Variants in ARG2 observed in about 807,000 individuals in gnomAD.
ARG2 encodes arginase-2, mitochondrial.
A neutral mutation model predicts 39.4 loss-of-function variants in ARG2; 21 were observed. The observed-to-expected ratio is 0.53, with a 90% confidence interval of 0.38 to 0.77. The LOEUF is 0.77. ARG2 is among the 30% of genes least tolerant of loss of function. The pLI is 0.00. For missense variants in ARG2, 378 were observed against 426.2 expected (o/e 0.89, Z 1.00); for synonymous variants, 150 against 156.7 (o/e 0.96, Z 0.32).
chr14:67,635,572 G>A (rs1216766689), intron 2 of ARG2, among the ~76,000 whole-genome samples: 7 of 152,228 alleles, frequency 4.6e-5, no homozygotes, highest in East Asian at 3.9e-4. Context: ...CCAGGAATTC[G>A]GCCGGGCACG....
At chr14:67,623,093 A>G (rs1280447020) in intron 2 of ARG2, among the ~76,000 whole-genome samples, 2 of 152,282 alleles carry the variant, frequency 1.3e-5, no homozygotes, top group Non-Finnish European at 2.9e-5. Context: ...TAATTGTACA[A>G]TTATATCCTT....
chr14:67,630,899 T>C (rs1285826120), intron 2 of ARG2, among the ~76,000 whole-genome samples: 1 of 152,134 alleles, frequency 6.6e-6, no homozygotes, highest in Non-Finnish European at 1.5e-5. Flanking sequence ...GCATGTAGAA[T>C]GTAGTCTTTT....
intron 4 of ARG2, 109 bp downstream of exon 4, chr14:67,645,911 C>T (rs934568601): frequency 1.6e-6 from 2 of 1,258,256 alleles, no homozygotes; most frequent in Non-Finnish European, 2.2e-6. Context: ...TGGATTACCA[C>T]TCCTTCATTT....
chr14:67,621,515 A>G lies in ARG2; in HGVS notation c.184+549A>G, dbSNP rs543613319. Reference sequence around the variant, plus strand: ...CCATCACCCAGGCTGGAGTGCAGTGATGCAATATTGGCTCATTGCAACCTC... The same window carrying G: ...CCATCACCCAGGCTGGAGTGCAGTGGTGCAATATTGGCTCATTGCAACCTC... On this transcript the variant is annotated intron_variant, in intron 2 of 7. Coordinates refer to ENST00000261783, the MANE Select transcript of ARG2 (RefSeq NM_001172.4). Among the ~76,000 whole-genome samples, 4 of 150,704 alleles carry G rather than the reference A, an allele frequency of 2.7e-5. No individual in the cohort carries two copies. The South Asian group carries it at 8.4e-4, about 32-fold the overall frequency.
chr14:67,643,293 A>G (rs6573790), intron 3 of ARG2, among the ~76,000 whole-genome samples: 19,038 of 151,244 alleles, frequency 0.13, 1,219 homozygotes, highest in Admixed American at 0.15. Context: ...TGGAATAAAC[A>G]AAAATATTGA....
intron 2 of ARG2, among the ~76,000 whole-genome samples, chr14:67,627,232 C>G (rs2036875127): frequency 7.2e-6 from 1 of 139,254 alleles, no homozygotes; most frequent in South Asian, 2.2e-4. Flanking sequence ...AATTAAAAAA[C>G]TAGGCAATTG....
At chr14:67,645,547 C>T in intron 3 of ARG2, 96 bp from the exon 4 acceptor site, 1 of 1,409,068 alleles carries the variant, frequency 7.1e-7, no homozygotes, top group Non-Finnish European at 9.7e-7. Context: ...TGGCTTTGCA[C>T]TGTGGAGAGA....
intron 2 of ARG2, among the ~76,000 whole-genome samples, chr14:67,639,213 C>T (rs2037004469): frequency 6.6e-6 from 1 of 152,138 alleles, no homozygotes; most frequent in African/African-American, 2.4e-5. Flanking sequence ...CAAGTGAGTA[C>T]TGTTTTCTGT....
In ARG2 at chr14:67,648,674, A is replaced by C. The variant is rs562038895; in HGVS notation, c.859+491A>C. 5 of 152,534 alleles carry C rather than the reference A, an allele frequency of 3.3e-5. No individual in the cohort carries two copies. The East Asian group carries it at 9.6e-4, about 29-fold the overall frequency. The allele number at this position is 152,534 out of a possible 1,614,324, so 9.4% of individuals were successfully genotyped here. ...CTAGAGCCTGAAAGGATTTCTAATA[A>C]GGGGGATACAGTTAGATGAGAATGG... is the stretch of plus-strand genomic sequence containing the variant. On this transcript the variant is annotated intron_variant, in intron 7 of 7. Coordinates refer to ENST00000261783, the MANE Select transcript of ARG2 (RefSeq NM_001172.4).
intron 2 of ARG2, among the ~76,000 whole-genome samples, chr14:67,633,515 T>TTATC (rs2036939876): frequency 2.0e-5 from 3 of 152,228 alleles, no homozygotes. Flanking sequence ...CAAACTGACC[T>TTATC]TATCATCTTC....
intron 5 of ARG2, 83 bp downstream of exon 5, chr14:67,646,821 T>C: frequency 7.0e-7 from 1 of 1,431,356 alleles, no homozygotes; most frequent in Non-Finnish European, 9.8e-7. Context: ...TAACTTGGTC[T>C]ATTGCAGGTC....
intron 2 of ARG2, among the ~76,000 whole-genome samples, chr14:67,638,887 C>T (rs139965506): frequency 2.6e-5 from 4 of 152,310 alleles, no homozygotes; most frequent in African/African-American, 9.6e-5. Flanking sequence ...TGTCCACTGT[C>T]TAGAAGCTTT....
intron 2 of ARG2, among the ~76,000 whole-genome samples, chr14:67,635,506 T>C (rs192982683): frequency 6.6e-6 from 1 of 152,344 alleles, no homozygotes; most frequent in East Asian, 1.9e-4. Flanking sequence ...TTTAATAAGC[T>C]AGTATTTCAA....
At chr14:67,640,296 A>AC (rs1878045080) in intron 2 of ARG2, among the ~76,000 whole-genome samples, 1 of 152,128 alleles carries the variant, frequency 6.6e-6, no homozygotes, top group East Asian at 1.9e-4. Context: ...AAGTGTAATG[A>AC]CCAAAAGATA....
intron 6 of ARG2, chr14:67,647,846 A>G: frequency 1.7e-6 from 1 of 583,190 alleles, no homozygotes. Context: ...AGTATCATGA[A>G]GTGGTATGTA....
intron 2 of ARG2, among the ~76,000 whole-genome samples, chr14:67,640,474 C>G (rs957346598): frequency 1.3e-5 from 2 of 152,158 alleles, no homozygotes; most frequent in Non-Finnish European, 2.9e-5. Context: ...ATGGTCACTG[C>G]TCCTCAAATT....
intron 3 of ARG2, among the ~76,000 whole-genome samples, chr14:67,643,481 G>A (rs578101118): frequency 6.6e-6 from 1 of 152,294 alleles, no homozygotes; most frequent in African/African-American, 2.4e-5. Flanking sequence ...CTAGGTGGTA[G>A]ATATGGTTTT....
chr14:67,648,927 G>A (rs909935385), intron 7 of ARG2: 3 of 152,174 alleles, frequency 2.0e-5, no homozygotes, highest in Non-Finnish European at 4.4e-5. Context: ...GAAAGGTTCA[G>A]GGCTATAGAG....
At chr14:67,634,280 C>T (rs1473225474) in intron 2 of ARG2, among the ~76,000 whole-genome samples, 1 of 152,018 alleles carries the variant, frequency 6.6e-6, no homozygotes, top group Non-Finnish European at 1.5e-5. Context: ...ATATATCAAA[C>T]TTTAACTCTT....
Sources: gnomAD v4.1 joint callset for allele counts (sites outside exome capture counted in the v4.1 genomes callset) on GRCh38, gnomAD v4.1.1 for gene constraint, MANE v1.5 for transcripts, NCBI Gene and HGNC (gene_info 2026-07-23, HGNC 2026-07-21) for gene names.